Variants in RASAL2 observed in about 807,000 individuals in gnomAD.
RASAL2 encodes the protein ras GTPase-activating protein nGAP.
RASAL2 carries 58 observed loss-of-function variants against 128.9 expected under a neutral mutation model. The ratio of observed to expected loss-of-function variants is 0.45; its 90% CI spans 0.36 to 0.56. RASAL2 has a LOEUF of 0.56. RASAL2 is among the 20% of genes least tolerant of loss of function. The pLI, the probability that RASAL2 is intolerant of heterozygous loss-of-function variation, is 0.00. For missense variants in RASAL2, 1,360 were observed against 1,601.6 expected (o/e 0.85, Z 2.57); for synonymous variants, 561 against 580.8 (o/e 0.97, Z 0.49).
intron 5 of RASAL2, among the ~76,000 whole-genome samples, chr1:178,438,122 G>C (rs566825233): frequency 1.3e-5 from 2 of 151,364 alleles, no homozygotes; most frequent in East Asian, 3.9e-4. Context: ...GTGTGTGTGT[G>C]TGTGTGTGTG....
intron 4 of RASAL2, among the ~76,000 whole-genome samples, chr1:178,415,546 T>A (rs1252467608): frequency 2.0e-5 from 3 of 152,172 alleles, no homozygotes; most frequent in African/African-American, 7.2e-5. Context: ...TCTGCTGTTG[T>A]TGGATAAAGT....
At chr1:178,104,890 A>AAT (rs1659032192) in intron 1 of RASAL2, among the ~76,000 whole-genome samples, 1 of 152,226 alleles carries the variant, frequency 6.6e-6, no homozygotes, top group Non-Finnish European at 1.5e-5. Context: ...CAAATCCATG[A>AAT]CCGTGACCTT....
intron 1 of RASAL2, among the ~76,000 whole-genome samples, chr1:178,114,903 A>T (rs1326019222): frequency 6.6e-6 from 1 of 152,118 alleles, no homozygotes; most frequent in Admixed American, 6.5e-5. Flanking sequence ...TTCTGTGTTG[A>T]TTTGATTTGC....
intron 1 of RASAL2, among the ~76,000 whole-genome samples, chr1:178,167,366 A>G (rs1405294798): frequency 6.6e-6 from 1 of 152,154 alleles, no homozygotes; most frequent in African/African-American, 2.4e-5. Context: ...TGTAGTATAC[A>G]AGATAGAAAT....
At chr1:178,297,828 T>C (rs1175312108) in intron 2 of RASAL2, among the ~76,000 whole-genome samples, 1 of 152,106 alleles carries the variant, frequency 6.6e-6, no homozygotes, top group Non-Finnish European at 1.5e-5. Context: ...ATAAAAAATA[T>C]TGTATTTATT....
At chr1:178,357,350 C>CTT (rs1385120161) in intron 3 of RASAL2, among the ~76,000 whole-genome samples, 2 of 134,678 alleles carry the variant, frequency 1.5e-5, no homozygotes, top group Non-Finnish European at 3.2e-5. Flanking sequence ...TGTTTCAGTG[C>CTT]TTTTTTTTTT....
intron 1 of RASAL2, among the ~76,000 whole-genome samples, chr1:178,100,870 A>G (rs1043389987): frequency 6.6e-6 from 1 of 152,162 alleles, no homozygotes; most frequent in African/African-American, 2.4e-5. Flanking sequence ...GTCCCTCCCT[A>G]TTGGAAAAAC....
rs185703178 is a variant in RASAL2 at position 178,176,983 on chromosome 1, T to A, written c.202+82289T>A. 4.6e-5 allele frequency among the ~76,000 whole-genome samples: 7 copies of A among 152,270 alleles called. No individual in the cohort carries two copies. In the East Asian group the frequency reaches 1.4e-3, roughly 29 times the overall value. On this transcript the variant is annotated intron_variant, in intron 1 of 17. Transcript: ENST00000367649. ...AATTTCAAAATTCTATTTCAGGGAT[T>A]CTATTTCAGGGATTCTTTATACAGA... is the stretch of plus-strand genomic sequence containing the variant.
At chr1:178,415,074 G>A (rs990658564) in intron 4 of RASAL2, among the ~76,000 whole-genome samples, 2 of 151,674 alleles carry the variant, frequency 1.3e-5, no homozygotes, top group Admixed American at 1.3e-4. Flanking sequence ...CAATTTAATC[G>A]ATTCTGCACT....
chr1:178,285,348 C>A (rs866863116), intron 2 of RASAL2, among the ~76,000 whole-genome samples: 10 of 151,754 alleles, frequency 6.6e-5, no homozygotes, highest in Middle Eastern at 6.8e-3. Context: ...TCTCGATCTC[C>A]TGACCTCATG....
intron 1 of RASAL2, among the ~76,000 whole-genome samples, chr1:178,188,270 T>G (rs561812794): frequency 1.3e-5 from 2 of 152,278 alleles, no homozygotes; most frequent in Admixed American, 1.3e-4. Flanking sequence ...CTCCCTAAAC[T>G]CCCATTTCTG....
At chr1:178,464,831 GTTTTTTTTTT>G (rs986789340) in intron 15 of RASAL2, among the ~76,000 whole-genome samples, 1 of 38,198 alleles carries the variant, frequency 2.6e-5, no homozygotes, top group Non-Finnish European at 4.4e-5. Context: ...GGTTTTAGTT[GTTTTTTTTTT>G]TTTTTTTTTT....
At chr1:178,100,545 G>C (rs564477117) in intron 1 of RASAL2, among the ~76,000 whole-genome samples, 10 of 149,362 alleles carry the variant, frequency 6.7e-5, no homozygotes, top group Non-Finnish European at 1.2e-4. Context: ...AAAAAAAAAA[G>C]TTGTACAGTT....
At chr1:178,126,675 CT>C (rs1306832811) in intron 1 of RASAL2, among the ~76,000 whole-genome samples, 2 of 152,114 alleles carry the variant, frequency 1.3e-5, no homozygotes, top group Non-Finnish European at 2.9e-5. Flanking sequence ...ACCTGGCTGC[CT>C]TTTTCAGATT....
intron 3 of RASAL2, among the ~76,000 whole-genome samples, chr1:178,314,765 A>G (rs1668421116): frequency 6.6e-6 from 1 of 152,078 alleles, no homozygotes; most frequent in East Asian, 1.9e-4. Context: ...AAAACTAAAA[A>G]CAGCTTCCTC....
At chr1:178,386,783 ACAG>A (rs1272264410) in intron 3 of RASAL2, among the ~76,000 whole-genome samples, 1 of 152,346 alleles carries the variant, frequency 6.6e-6, no homozygotes, top group Admixed American at 6.5e-5. Context: ...CATTAATTTT[ACAG>A]CAGGTGAAAA....
chr1:178,127,184 T>C (rs1029901130), intron 1 of RASAL2, among the ~76,000 whole-genome samples: 2 of 152,168 alleles, frequency 1.3e-5, no homozygotes, highest in African/African-American at 4.8e-5. Flanking sequence ...TATCAAAGGT[T>C]ATACCTGGTT....
intron 1 of RASAL2, among the ~76,000 whole-genome samples, chr1:178,250,683 C>G (rs973587945): frequency 6.6e-5 from 10 of 152,114 alleles, no homozygotes; most frequent in African/African-American, 1.9e-4. Context: ...CAGAGCTGTT[C>G]CTATTAGGTC....
rs551388296 is a variant in RASAL2, at chr1:178,388,024, C to T, written c.458-2076C>T. Among the ~76,000 whole-genome samples, 7 of 152,032 alleles carry T rather than the reference C, an allele frequency of 4.6e-5. No homozygotes were observed. The East Asian group carries it at 7.7e-4, about 17-fold the overall frequency. Reference sequence around the variant, plus strand: ...GAAATGGTTTACTAGATCATTTTATCCCAGCTAATGAAATTTATTTTTCCC... The same window carrying T: ...GAAATGGTTTACTAGATCATTTTATTCCAGCTAATGAAATTTATTTTTCCC... On this transcript the variant is annotated intron_variant, in intron 3 of 17. Transcript: ENST00000367649.
Sources: allele counts gnomAD v4.1 joint callset (sites outside exome capture counted in the v4.1 genomes callset), GRCh38; gene constraint gnomAD v4.1.1; transcripts MANE v1.5; gene names NCBI Gene and HGNC (gene_info 2026-07-23, HGNC 2026-07-21).